Variants in ATP13A4 observed in about 807,000 individuals in gnomAD.
ATP13A4 encodes probable cation-transporting ATPase 13A4.
Under a neutral mutation model 142.5 loss-of-function variants are expected in ATP13A4, and 114 were observed. The observed-to-expected ratio is 0.80, with a 90% CI of 0.69 to 0.93. The LOEUF is 0.93. ATP13A4 is among the 40% of genes least tolerant of loss of function. ATP13A4 has a pLI of 0.00. For synonymous variants in ATP13A4, 488 were observed against 514.8 expected, an observed-to-expected ratio of 0.95 and a Z score of 0.70; for missense variants, 1,392 against 1,454.0, an observed-to-expected ratio of 0.96 and a Z score of 0.69.
chr3:193,491,930 T>C (rs1428866603), intron 5 of ATP13A4, among the ~76,000 whole-genome samples: 1 of 152,202 alleles, frequency 6.6e-6, no homozygotes, highest in Non-Finnish European at 1.5e-5. Context: ...TGATTCAGTG[T>C]CTCTAAAACC....
chr3:193,553,244 T>C (rs1176241111), intron 1 of ATP13A4: 2 of 152,236 alleles, frequency 1.3e-5, no homozygotes, highest in Admixed American at 6.5e-5. Flanking sequence ...GAAGATGAAC[T>C]GTTAACTAAA....
At chr3:193,499,253 ATC>A (rs1207000693) in intron 3 of ATP13A4, among the ~76,000 whole-genome samples, 2 of 152,320 alleles carry the variant, frequency 1.3e-5, no homozygotes, top group African/African-American at 4.8e-5. Context: ...ATGACACACA[ATC>A]TCTCTCTAAT....
Position 193,401,183 on chromosome 3 carries a change from G to A in ATP13A4, c.*1469C>T, listed in dbSNP as rs1714248978. ...GGCCAGGACACTTATCCCCTGATCA[G>A]AACATTCACCTAGGATTTGATGCTC... On this transcript the variant is annotated 3_prime_UTR_variant, in exon 30 of 30. Coordinates refer to ENST00000342695, the MANE Select transcript of ATP13A4 (RefSeq NM_032279.4). Among the ~76,000 whole-genome samples, 1 of 152,118 alleles carries A rather than the reference G, an allele frequency of 6.6e-6. No individual in the cohort carries two copies. The highest frequency in any genetic ancestry group is 6.5e-5 in the Admixed American group (1 of 15,276).
chr3:193,580,393 G>A (rs1447272987), intron 2 of ATP13A4, among the ~76,000 whole-genome samples: 1 of 152,094 alleles, frequency 6.6e-6, no homozygotes, highest in Non-Finnish European at 1.5e-5. Flanking sequence ...TACCACCAAG[G>A]ATTCTTAGGA....
intron 9 of ATP13A4, among the ~76,000 whole-genome samples, chr3:193,470,371 C>A (rs1718547877): frequency 1.3e-5 from 2 of 152,176 alleles, no homozygotes; most frequent in African/African-American, 4.8e-5. Flanking sequence ...GAAGCAGCAG[C>A]TTTACCAAAT....
chr3:193,429,165 G>C (rs1308417290), intron 25 of ATP13A4, among the ~76,000 whole-genome samples: 1 of 151,970 alleles, frequency 6.6e-6, no homozygotes, highest in African/African-American at 2.4e-5. Context: ...AACAAGAGCT[G>C]ATGAGGCTGT....
At chr3:193,579,691 T>C (rs1724491918) in intron 2 of ATP13A4, among the ~76,000 whole-genome samples, 1 of 150,902 alleles carries the variant, frequency 6.6e-6, no homozygotes, top group Non-Finnish European at 1.5e-5. Context: ...TTACAAATCA[T>C]GTCAGACAAT....
chr3:193,457,126 G>A lies in ATP13A4; in HGVS notation c.1789C>T (p.His597Tyr), dbSNP rs756102686. The A allele has an allele frequency of 2.5e-6, 4 of 1,613,380 alleles. No homozygotes were observed. The highest frequency in any genetic ancestry group is 3.4e-6 in the Non-Finnish European group (4 of 1,180,040). The part of the protein sequence containing the change: ...QVPVEGIAIL[H>Y]QFPFSSALQR... ...AGTGCCGATGAGAATGGGAACTGAT[G>A]CAGGATTGCAATTCCTTCCACTGGG... The change falls in exon 16 of 30, where the codon CAT becomes TAT. Residue 597 changes from histidine (H) to tyrosine (Y), a missense_variant. Coordinates refer to ENST00000342695, the MANE Select transcript of ATP13A4 (RefSeq NM_032279.4).
chr3:193,411,157 C>T, intron 27 of ATP13A4, 87 bp from the exon 28 acceptor site: 1 of 906,374 alleles, frequency 1.1e-6, no homozygotes, highest in East Asian at 2.4e-5. Context: ...TAGATTAACA[C>T]TGATTTAATT....
At chr3:193,458,674 A>T (rs2108637209) in intron 14 of ATP13A4, 1 of 314,730 alleles carries the variant, frequency 3.2e-6, no homozygotes, top group East Asian at 5.8e-5. Flanking sequence ...CCGTGAATCT[A>T]TGAGTTATCC....
At chr3:193,534,290 T>C (rs630540) in intron 1 of ATP13A4, among the ~76,000 whole-genome samples, 105,674 of 151,964 alleles carry the variant, frequency 0.7, 36,896 homozygotes, top group East Asian at 0.71. Context: ...AAGATTCAGT[T>C]TCATAACACA....
intron 12 of ATP13A4, 122 bp downstream of exon 12, chr3:193,464,818 G>C: frequency 9.5e-7 from 1 of 1,047,254 alleles, no homozygotes; most frequent in Non-Finnish European, 1.5e-6. Flanking sequence ...ATCTAACCAG[G>C]GATAAAATGA....
At chr3:193,578,059 T>C (rs1377181104) in intron 2 of ATP13A4, among the ~76,000 whole-genome samples, 4 of 152,148 alleles carry the variant, frequency 2.6e-5, no homozygotes, top group Admixed American at 6.5e-5. Context: ...CTTGGGAGGC[T>C]GAGGCGGGTG....
At chr3:193,496,898 A>G (rs1174327531) in intron 3 of ATP13A4, among the ~76,000 whole-genome samples, 1 of 152,072 alleles carries the variant, frequency 6.6e-6, no homozygotes. Context: ...CCTGTATCTT[A>G]CCATACACAA....
At position 193,445,473 on chromosome 3, in the gene ATP13A4, C is replaced by T. The variant is rs1241013130; in HGVS notation, c.2152+2733G>A. ...AAAAAATAAATAAATAAATAAAGCA[C>T]TGGCTGGGCGTGGGGACTCATGCCT... On this transcript the variant is annotated intron_variant, in intron 18 of 29. Transcript: ENST00000342695. 4.0e-5 allele frequency among the ~76,000 whole-genome samples: 6 copies of T among 151,688 alleles called. No individual in the cohort carries two copies. In the East Asian group the frequency reaches 1.2e-3, roughly 30 times the overall value.
At chr3:193,543,117 G>A (rs1723030602) in intron 1 of ATP13A4, among the ~76,000 whole-genome samples, 1 of 147,754 alleles carries the variant, frequency 6.8e-6, no homozygotes, top group South Asian at 2.1e-4. Context: ...GTAGTGAGCT[G>A]AGATCGCACC....
At chr3:193,582,476 T>C (rs1374648467) in intron 1 of ATP13A4, among the ~76,000 whole-genome samples, 1 of 145,338 alleles carries the variant, frequency 6.9e-6, no homozygotes, top group Non-Finnish European at 1.5e-5. Context: ...TGCATGTACA[T>C]ATAATATATA....
intron 1 of ATP13A4, among the ~76,000 whole-genome samples, chr3:193,527,610 T>TA (rs749744484): frequency 1.4e-3 from 178 of 127,474 alleles, no homozygotes; most frequent in Middle Eastern, 4.1e-3. Flanking sequence ...AGGCTCCATC[T>TA]AAAAAAAAAA....
rs1042296166 is a variant in ATP13A4, at chr3:193,583,005, T to C, written n.92-1099A>G. Among the ~76,000 whole-genome samples, 8 of 140,198 alleles carry C rather than the reference T, an allele frequency of 5.7e-5. 1 individual carries two copies. In the East Asian group the frequency reaches 1.6e-3, roughly 28 times the overall value. 92.0% of individuals were successfully genotyped at this position (140,198 alleles called of 152,430 possible). On this transcript the variant is annotated intron_variant and non_coding_transcript_variant, in intron 1 of 3. Coordinates refer to the ATP13A4 transcript ENST00000489140. ...ATATTACATATATATAAAATATATA[T>C]ATGTATATTATATAGATATAAAAAA... is the stretch of plus-strand genomic sequence containing the variant.
Sources: allele counts gnomAD v4.1 joint callset (sites outside exome capture counted in the v4.1 genomes callset), GRCh38; gene constraint gnomAD v4.1.1; transcripts MANE v1.5; gene names NCBI Gene and HGNC (gene_info 2026-07-23, HGNC 2026-07-21).